VAPB: variants seen among roughly 807,000 people sequenced by gnomAD.
VAPB encodes the protein vesicle-associated membrane protein-associated protein B/C.
In VAPB, 7 loss-of-function variants were observed where a neutral mutation model predicts 25.6. The observed-to-expected ratio is 0.27, with a 90% CI of 0.16 to 0.51. The LOEUF (loss-of-function observed/expected upper bound fraction) is 0.51, where lower values mean the gene tolerates loss of function less well. Ranked by LOEUF, VAPB falls within the 20% of genes least tolerant of loss-of-function variation. The probability of loss-of-function intolerance (pLI) is 0.97; values close to 1 mark genes in which losing one functional copy is unlikely to be tolerated. For missense variants in VAPB, 266 were observed against 301.3 expected (o/e 0.88, Z 0.87); for synonymous variants, 112 against 109.2 (o/e 1.03, Z -0.16).
intron 1 of VAPB, among the ~76,000 whole-genome samples, chr20:58,413,194 A>G (rs990126489): frequency 2.9e-5 from 4 of 138,384 alleles, no homozygotes; most frequent in African/African-American, 1.1e-4. Context: ...TGTTTCTCAC[A>G]GAGGGGGATT....
chr20:58,412,592 G>GAAAAAAAAAA (rs1555812190), intron 1 of VAPB, among the ~76,000 whole-genome samples: 1 of 83,376 alleles, frequency 1.2e-5, no homozygotes, highest in Non-Finnish European at 2.6e-5. Flanking sequence ...AAAAAAAAAG[G>GAAAAAAAAAA]TAAAATTATA....
At chr20:58,408,711 C>T (rs1266678273) in intron 1 of VAPB, among the ~76,000 whole-genome samples, 2 of 152,064 alleles carry the variant, frequency 1.3e-5, no homozygotes, top group African/African-American at 2.4e-5. Flanking sequence ...TGTATATAAG[C>T]AGCACAAATT....
At chr20:58,391,151 C>T (rs1248883818) in intron 1 of VAPB, among the ~76,000 whole-genome samples, 1 of 152,220 alleles carries the variant, frequency 6.6e-6, no homozygotes, top group African/African-American at 2.4e-5. Context: ...GGAGGCCTGG[C>T]TTGGCTTCTC....
At chr20:58,416,618 C>T (rs576068552) in intron 1 of VAPB, among the ~76,000 whole-genome samples, 36 of 152,212 alleles carry the variant, frequency 2.4e-4, no homozygotes, top group South Asian at 1.0e-3. Context: ...ACATGAGTAA[C>T]GTTGGATCAA....
intron 1 of VAPB, among the ~76,000 whole-genome samples, chr20:58,406,638 G>T (rs538925204): frequency 6.6e-6 from 1 of 152,146 alleles, no homozygotes; most frequent in Non-Finnish European, 1.5e-5. Flanking sequence ...GTTGATTTTC[G>T]TATGGAGGCT....
rs772466339 is a variant in VAPB at position 58,389,274 on chromosome 20, C to G, written c.-186C>G. Reference sequence around the variant, plus strand: ...GCACCGCGGCCTCGCCCTCGCCCTCCGCCCCTGCGCCTGCACCGCGTAGAC... The same window carrying G: ...GCACCGCGGCCTCGCCCTCGCCCTCGGCCCCTGCGCCTGCACCGCGTAGAC... On this transcript the variant is annotated 5_prime_UTR_variant, in exon 1 of 6. Transcript: ENST00000475243. 1 of 700,144 alleles carries G rather than the reference C, an allele frequency of 1.4e-6. No homozygotes were observed. Among genetic ancestry groups the G allele is most frequent in the Admixed American group, 2.1e-5 (1 of 48,022 alleles). The allele number at this position is 700,144 out of a possible 1,614,324, so 43.4% of individuals were successfully genotyped here.
At chr20:58,442,584 C>T (rs944569985) in intron 5 of VAPB, among the ~76,000 whole-genome samples, 9 of 152,290 alleles carry the variant, frequency 5.9e-5, no homozygotes, top group Admixed American at 1.3e-4. Flanking sequence ...GATTCTTTAT[C>T]CTGCCAAACA....
chr20:58,413,832 G>A (rs1257453466), intron 1 of VAPB, among the ~76,000 whole-genome samples: 2 of 87,720 alleles, frequency 2.3e-5, no homozygotes, highest in African/African-American at 9.2e-5. Context: ...GGCTGACCCC[G>A]CCACCTCCCT....
chr20:58,411,428 T>C (rs1385565603), intron 1 of VAPB, among the ~76,000 whole-genome samples: 1 of 151,652 alleles, frequency 6.6e-6, no homozygotes, highest in Non-Finnish European at 1.5e-5. Flanking sequence ...ACTACAGGCA[T>C]GGGCCACCAC....
intron 5 of VAPB, among the ~76,000 whole-genome samples, chr20:58,442,744 A>C (rs1989190650): frequency 6.6e-6 from 1 of 152,222 alleles, no homozygotes; most frequent in Non-Finnish European, 1.5e-5. Flanking sequence ...AGAGACATAG[A>C]CAGAAGTGAT....
At chr20:58,442,686 C>T (rs530227837) in intron 5 of VAPB, among the ~76,000 whole-genome samples, 41 of 152,322 alleles carry the variant, frequency 2.7e-4, no homozygotes, top group African/African-American at 9.6e-4. Context: ...GATTCAAACA[C>T]GAACAGCCCC....
intron 1 of VAPB, among the ~76,000 whole-genome samples, chr20:58,412,804 G>A (rs1054977325): frequency 7.2e-5 from 11 of 152,174 alleles, no homozygotes; most frequent in East Asian, 3.9e-4. Context: ...GAAGGGAAGC[G>A]TTTTAATTTT....
In VAPB at chr20:58,406,908, TTTTG is replaced by T. The variant is rs1402859567; in HGVS notation, c.59-11299_59-11296del. On this transcript the variant is annotated intron_variant, in intron 1 of 5. Transcript: ENST00000475243. ...ATTTGCAGTAGAATATTGCTTATCT[TTTTG>T]TTTATTTTTGTGATTACTGTAATCA... is the stretch of plus-strand genomic sequence containing the variant. 1.3e-4 allele frequency among the ~76,000 whole-genome samples: 20 copies of T among 152,328 alleles called. No homozygotes were observed. In the South Asian group the frequency reaches 2.9e-3, roughly 22 times the overall value.
At chr20:58,442,864 C>T (rs1475640885) in intron 5 of VAPB, among the ~76,000 whole-genome samples, 1 of 152,012 alleles carries the variant, frequency 6.6e-6, no homozygotes, top group Admixed American at 6.6e-5. Flanking sequence ...GGTACTCGGG[C>T]GGATGGGAGC....
At chr20:58,414,161 TGGCCGGGCGGGG>T (rs747967744) in intron 1 of VAPB, among the ~76,000 whole-genome samples, 14,423 of 116,224 alleles carry the variant, frequency 0.12, 1,413 homozygotes, top group East Asian at 0.26. Flanking sequence ...ACGGGGCGGC[TGGCCGGGCGGGG>T]GGCTGACCCC....
At chr20:58,409,854 GA>G (rs1341478813) in intron 1 of VAPB, among the ~76,000 whole-genome samples, 1 of 151,376 alleles carries the variant, frequency 6.6e-6, no homozygotes, top group Non-Finnish European at 1.5e-5. Flanking sequence ...ATGAACTCTA[GA>G]AAAGGAAGAG....
chr20:58,435,490 T>G (rs1989022839), intron 3 of VAPB, among the ~76,000 whole-genome samples: 1 of 152,194 alleles, frequency 6.6e-6, no homozygotes, highest in South Asian at 2.1e-4. Flanking sequence ...CTCTCCAGTT[T>G]TGGCCCGCCC....
chr20:58,440,720 G>T, intron 4 of VAPB, 187 bp from the exon 5 acceptor site: 1 of 545,902 alleles, frequency 1.8e-6, no homozygotes, highest in Non-Finnish European at 3.2e-6. Flanking sequence ...ATAATTTCTA[G>T]GGCCCTGTTG....
chr20:58,416,506 G>T (rs926135984), intron 1 of VAPB, among the ~76,000 whole-genome samples: 1 of 86,030 alleles, frequency 1.2e-5, no homozygotes, highest in Non-Finnish European at 2.6e-5. Flanking sequence ...GTTGGGTTCA[G>T]CGAGGAGCAG....
Sources: gnomAD v4.1 joint callset for allele counts (sites outside exome capture counted in the v4.1 genomes callset) on GRCh38, gnomAD v4.1.1 for gene constraint, MANE v1.5 for transcripts, NCBI Gene and HGNC (gene_info 2026-07-23, HGNC 2026-07-21) for gene names.